The following HNF4A variants were observed in gnomAD, a reference collection of about 807,000 sequenced individuals.
The protein encoded by HNF4A is hepatocyte nuclear factor 4 alpha, also known as hepatocyte nuclear factor 4-alpha.
A neutral mutation model predicts 52.4 loss-of-function variants in HNF4A; 15 were observed. That is an observed-to-expected ratio of 0.29 (90% confidence interval 0.19 to 0.44). The LOEUF (loss-of-function observed/expected upper bound fraction) is 0.44, where lower values mean the gene tolerates loss of function less well. HNF4A is among the 20% of genes least tolerant of loss of function. The pLI is 1.00. For missense variants in HNF4A, 479 were observed against 647.2 expected (o/e 0.74, Z 2.82); for synonymous variants, 280 against 264.4 (o/e 1.06, Z -0.57).
At chr20:44,356,086 C>T (rs969036535) in intron 1 of HNF4A, among the ~76,000 whole-genome samples, 1 of 150,578 alleles carries the variant, frequency 6.6e-6, no homozygotes, top group African/African-American at 2.4e-5. Flanking sequence ...GGGGCAGAGG[C>T]TTGGCTCATT....
intron 1 of HNF4A, among the ~76,000 whole-genome samples, chr20:44,383,872 C>T (rs936367172): frequency 1.7e-4 from 25 of 148,546 alleles, no homozygotes; most frequent in African/African-American, 5.7e-4. Flanking sequence ...TTTTTTAAGA[C>T]GGAGTTTCAC....
intron 1 of HNF4A, among the ~76,000 whole-genome samples, chr20:44,368,141 C>CATATATATATATATATAT (rs756822197): frequency 4.6e-4 from 6 of 12,920 alleles, no homozygotes; most frequent in African/African-American, 1.8e-3. Flanking sequence ...TGTGTATATA[C>CATATATATATATATATAT]ATATATATAT....
upstream of HNF4A, among the ~76,000 whole-genome samples, chr20:44,400,732 A>G (rs1301137080): frequency 1.3e-5 from 2 of 152,182 alleles, no homozygotes; most frequent in Non-Finnish European, 2.9e-5. Flanking sequence ...TTCTGCTCCC[A>G]GGGGAACCGG....
At chr20:44,377,174 C>G (rs1405500511) in intron 1 of HNF4A, among the ~76,000 whole-genome samples, 1 of 152,138 alleles carries the variant, frequency 6.6e-6, no homozygotes, top group East Asian at 1.9e-4. Context: ...CCGAAGCAAA[C>G]TAATGCAGAA....
At chr20:44,415,021 T>C (rs1263107145) in intron 5 of HNF4A, among the ~76,000 whole-genome samples, 1 of 152,172 alleles carries the variant, frequency 6.6e-6, no homozygotes, top group Non-Finnish European at 1.5e-5. Flanking sequence ...CCATTGTACC[T>C]GAGGCTCTCC....
intron 1 of HNF4A, among the ~76,000 whole-genome samples, chr20:44,356,716 T>C (rs1050110095): frequency 2.6e-5 from 4 of 152,208 alleles, no homozygotes; most frequent in Non-Finnish European, 5.9e-5. Context: ...ATTCGTGGAA[T>C]GACACAATAA....
chr20:44,405,939 G>T, intron 1 of HNF4A, 119 bp from the exon 2 acceptor site: 2 of 952,378 alleles, frequency 2.1e-6, no homozygotes, highest in Admixed American at 3.4e-5. Flanking sequence ...AGGTGATGGA[G>T]TGGGAACAGC....
intron 1 of HNF4A, among the ~76,000 whole-genome samples, chr20:44,379,941 C>G (rs980154798): frequency 2.0e-5 from 3 of 152,230 alleles, no homozygotes; most frequent in Admixed American, 2.0e-4. Context: ...ACCATGCTGG[C>G]CAGGCTGGTC....
chr20:44,390,495 T>A, intron 1 of HNF4A: 1 of 614,462 alleles, frequency 1.6e-6, no homozygotes, highest in Non-Finnish European at 2.9e-6. Context: ...CCACCATCCC[T>A]GAAATCTCAT....
At chr20:44,367,403 T>C (rs1245036902) in intron 1 of HNF4A, among the ~76,000 whole-genome samples, 3 of 151,348 alleles carry the variant, frequency 2.0e-5, no homozygotes, top group African/African-American at 4.9e-5. Context: ...CCCAGCACTT[T>C]GAGAGGCCGA....
chr20:44,384,033 T>G (rs2063188695), intron 1 of HNF4A, among the ~76,000 whole-genome samples: 1 of 151,978 alleles, frequency 6.6e-6, no homozygotes, highest in Non-Finnish European at 1.5e-5. Context: ...GTATTTTTAG[T>G]AGAGATGGGG....
At chr20:44,418,550 G>A in intron 6 of HNF4A, 38 bp downstream of exon 6, 1 of 1,490,586 alleles carries the variant, frequency 6.7e-7, no homozygotes, top group Middle Eastern at 1.7e-4. Flanking sequence ...GCTCCAGGGA[G>A]GGTATGCCTA....
At chr20:44,369,660 C>T (rs1197404123) in intron 1 of HNF4A, among the ~76,000 whole-genome samples, 2 of 151,916 alleles carry the variant, frequency 1.3e-5, no homozygotes, top group African/African-American at 4.8e-5. Flanking sequence ...AGCTCTTTTT[C>T]TTTCTTTCTT....
intron 5 of HNF4A, among the ~76,000 whole-genome samples, chr20:44,416,963 T>G (rs186102234): frequency 1.5e-3 from 231 of 152,116 alleles, no homozygotes; most frequent in Admixed American, 3.2e-3. Flanking sequence ...GATCACCCTG[T>G]GTCCTCTGTA....
intron 1 of HNF4A, among the ~76,000 whole-genome samples, chr20:44,379,524 T>G (rs1316946009): frequency 6.6e-6 from 1 of 152,000 alleles, no homozygotes; most frequent in Non-Finnish European, 1.5e-5. Context: ...TGTGAGGTGG[T>G]CTCTTATTGT....
chr20:44,357,685 C>T (rs1252608664), intron 1 of HNF4A, among the ~76,000 whole-genome samples: 1 of 152,068 alleles, frequency 6.6e-6, no homozygotes, highest in Non-Finnish European at 1.5e-5. Flanking sequence ...AGAATGGTTG[C>T]TTCTATCGAC....
At chr20:44,390,683 T>C (rs1385145277) in intron 1 of HNF4A, 2 of 701,976 alleles carry the variant, frequency 2.8e-6, no homozygotes, top group Non-Finnish European at 5.2e-6. Flanking sequence ...CCACCAGGTA[T>C]GGTCCTGACT....
At chr20:44,405,055 CTGTG>C (rs1263808577) in intron 1 of HNF4A, among the ~76,000 whole-genome samples, 7 of 92,540 alleles carry the variant, frequency 7.6e-5, no homozygotes, top group African/African-American at 1.7e-4. Flanking sequence ...TGTGTGTGGA[CTGTG>C]TGGTGCGTGT....
rs1272631157 is a variant in HNF4A at position 44,365,378 on chromosome 20, T to G, written c.49+9525T>G. On this transcript the variant is annotated intron_variant, in intron 1 of 9. Transcript: ENST00000316673. Reference sequence around the variant, plus strand: ...TTTGTAGTGACAGGTCTTGCTGTGTTGCACAGGCTGGTTTCCTACTCCTGT... The same window carrying G: ...TTTGTAGTGACAGGTCTTGCTGTGTGGCACAGGCTGGTTTCCTACTCCTGT... Among the ~76,000 whole-genome samples the G allele has an allele frequency of 2.6e-5, 4 of 152,122 alleles. No individual in the cohort carries two copies. In the East Asian group the frequency reaches 7.7e-4, roughly 29 times the overall value.
Sources: allele counts gnomAD v4.1 joint callset (sites outside exome capture counted in the v4.1 genomes callset), GRCh38; gene constraint gnomAD v4.1.1; transcripts MANE v1.5; gene names NCBI Gene and HGNC (gene_info 2026-07-23, HGNC 2026-07-21).